QTRT2: variants seen among roughly 807,000 people sequenced by gnomAD.
QTRT2 encodes the protein queuine tRNA-ribosyltransferase domain containing 1.
Under a neutral mutation model 44.8 loss-of-function variants are expected in QTRT2, and 32 were observed. The observed-to-expected ratio is 0.71, with a 90% CI of 0.54 to 0.96. QTRT2 has a LOEUF of 0.96. Ranked by LOEUF, QTRT2 falls within the 40% of genes least tolerant of loss-of-function variation. QTRT2 has a pLI of 0.00. For missense variants in QTRT2, 461 were observed against 503.1 expected (o/e 0.92, Z 0.80); for synonymous variants, 182 against 187.4 (o/e 0.97, Z 0.24).
chr3:114,076,640 T>A (rs1300127501), intron 6 of QTRT2, 103 bp from the exon 7 acceptor site: 1 of 1,053,716 alleles, frequency 9.5e-7, no homozygotes, highest in African/African-American at 1.6e-5. Context: ...CTACAGCAGC[T>A]TCACTGAGGT....
chr3:114,085,430 A>G (rs1577555524), intron 9 of QTRT2, among the ~76,000 whole-genome samples: 1 of 151,654 alleles, frequency 6.6e-6, no homozygotes, highest in Admixed American at 6.6e-5. Context: ...CTGGTCTTGA[A>G]CTCCTGACCT....
At chr3:114,066,530 A>T in intron 4 of QTRT2, 1 of 478,818 alleles carries the variant, frequency 2.1e-6, no homozygotes, top group South Asian at 2.4e-5. Context: ...TTACTGCTTT[A>T]CAGGATTAGG....
chr3:114,082,889 A>T (rs1271346082), intron 9 of QTRT2, 95 bp downstream of exon 9: 1 of 658,404 alleles, frequency 1.5e-6, no homozygotes, highest in Non-Finnish European at 2.7e-6. Flanking sequence ...TTATGATTTC[A>T]TAAAATATTA....
At position 114,056,826 on chromosome 3, in the gene QTRT2, G is replaced by T; in HGVS notation, c.-168G>T. On this transcript the variant is annotated 5_prime_UTR_variant, in exon 1 of 10. Transcript: ENST00000281273. ...GGTAGTGAACTGTGAGGAGTTTGAG[G>T]GGTCTGAAGACTGAAAGAGTCGAAT... 6.5e-7 allele frequency: 1 copy of T among 1,535,288 alleles called. No homozygotes were observed. The highest frequency in any genetic ancestry group is 8.7e-7 in the Non-Finnish European group (1 of 1,146,534).
intron 9 of QTRT2, among the ~76,000 whole-genome samples, chr3:114,083,944 A>T (rs749537594): frequency 6.6e-6 from 1 of 152,112 alleles, no homozygotes; most frequent in Non-Finnish European, 1.5e-5. Flanking sequence ...TTATAGATTT[A>T]ATTGGAAATT....
In QTRT2 at chr3:114,076,773, A is replaced by AT. The variant is rs767735926; in HGVS notation, c.579dup (p.Glu194Ter). ...TCAGAAGAGTGTGATCATTGGAGTGATTGAAGGTGGAGATGTGATGGAAGA... is the reference window on the plus strand; with the variant it reads ...TCAGAAGAGTGTGATCATTGGAGTGATTTGAAGGTGGAGATGTGATGGAAGA... On this transcript the variant is annotated frameshift_variant, in exon 7 of 10. Coordinates refer to ENST00000281273, the MANE Select transcript of QTRT2 (RefSeq NM_024638.4). LOFTEE classifies it high-confidence loss of function. The AT allele has an allele frequency of 6.8e-6, 11 of 1,614,160 alleles. No individual in the cohort carries two copies. The highest frequency in any genetic ancestry group is 1.3e-5 in the African/African-American group (1 of 75,042).
intron 2 of QTRT2, among the ~76,000 whole-genome samples, chr3:114,061,450 A>G (rs1250077583): frequency 6.6e-6 from 1 of 152,212 alleles, no homozygotes; most frequent in African/African-American, 2.4e-5. Context: ...TCCAAGCAGT[A>G]CAAGACTGTA....
At chr3:114,081,289 A>G (rs2077162481) in intron 8 of QTRT2, among the ~76,000 whole-genome samples, 1 of 152,234 alleles carries the variant, frequency 6.6e-6, no homozygotes. Context: ...TGAAAATTCC[A>G]AAGAAATTAC....
At chr3:114,070,036 A>T (rs1408257070) in intron 5 of QTRT2, among the ~76,000 whole-genome samples, 15 of 152,222 alleles carry the variant, frequency 9.9e-5, no homozygotes, top group Admixed American at 9.2e-4. Context: ...AAGAGCATAG[A>T]GGAGTGAGTG....
rs989916716 is a variant in QTRT2 at position 114,065,387 on chromosome 3, C to T, written c.130C>T (p.His44Tyr). ...LLYTKTGSAP[H>Y]LTHHTLHNIH... Reference sequence around the variant, plus strand: ...GTATACCAAGACTGGCTCCGCCCCACACCTCACCCATCACACGCTGCATAA... The same window carrying T: ...GTATACCAAGACTGGCTCCGCCCCATACCTCACCCATCACACGCTGCATAA... The change falls in exon 3 of 10, where the codon CAC (histidine) becomes TAC (tyrosine). Residue 44 changes from histidine (H) to tyrosine (Y), a missense_variant. Physicochemically the swap from His to Tyr is moderately conservative, Grantham distance 83. Transcript: ENST00000281273. The T allele has an allele frequency of 6.2e-7, 1 of 1,614,196 alleles. No homozygotes were observed. The highest frequency in any genetic ancestry group is 1.7e-5 in the Admixed American group (1 of 60,012).
At chr3:114,070,597 T>C (rs2077011836) in intron 5 of QTRT2, 29 bp from the exon 6 acceptor site, 2 of 1,576,788 alleles carry the variant, frequency 1.3e-6, no homozygotes, top group South Asian at 1.1e-5. Context: ...TTACTCTTGC[T>C]AATTCCTCAT....
At position 114,074,447 on chromosome 3, in the gene QTRT2, A is replaced by C. The variant is rs536781815; in HGVS notation, c.547-2296A>C. On this transcript the variant is annotated intron_variant, in intron 6 of 9. Coordinates refer to ENST00000281273, the MANE Select transcript of QTRT2 (RefSeq NM_024638.4). ...TTGATCCTACTTCCTGATAGGTTTC[A>C]AGTTTTATCTTTCCTCTTCATCCAC... is the stretch of plus-strand genomic sequence containing the variant. Among the ~76,000 whole-genome samples the C allele has an allele frequency of 7.9e-5, 12 of 152,306 alleles. No individual in the cohort carries two copies. In the East Asian group the frequency reaches 2.3e-3, roughly 29 times the overall value.
rs762904339 is a variant in QTRT2 at position 114,065,234 on chromosome 3, C to T, written c.-21-3C>T. On this transcript the variant is annotated splice_polypyrimidine_tract_variant and splice_region_variant and intron_variant, in intron 2 of 9. Transcript: ENST00000281273. ...TCTATACTTAATGCTCTTTTCTTGA[C>T]AGGACCTAGAAGAATCCCTTAGGAT... is the stretch of plus-strand genomic sequence containing the variant. 5 of 1,608,384 alleles carry T rather than the reference C, an allele frequency of 3.1e-6. No homozygotes were observed. Among genetic ancestry groups the T allele is most frequent in the Non-Finnish European group, 3.4e-6 (4 of 1,175,960 alleles).
intron 2 of QTRT2, among the ~76,000 whole-genome samples, chr3:114,058,124 G>T (rs2076830458): frequency 6.6e-6 from 1 of 152,174 alleles, no homozygotes; most frequent in South Asian, 2.1e-4. Flanking sequence ...GAGGATTAAT[G>T]GAGTGAATAT....
In QTRT2 at chr3:114,085,683, G is replaced by T. The variant is rs570521094; in HGVS notation, c.1027G>T (p.Asp343Tyr). ...INLKEKKYQE[D>Y]FNPLVRGCSC... ...TGACTTCTTTCTTAGGTACCAGGAGGACTTTAACCCGCTGGTGAGAGGATG... is the reference window on the plus strand; with the variant it reads ...TGACTTCTTTCTTAGGTACCAGGAGTACTTTAACCCGCTGGTGAGAGGATG... The change falls in exon 10 of 10, where the codon GAC becomes TAC. Residue 343 changes from aspartate (D) to tyrosine (Y), a missense_variant. Physicochemically the swap from Asp to Tyr is radical, Grantham distance 160. Coordinates refer to ENST00000281273, the MANE Select transcript of QTRT2 (RefSeq NM_024638.4). The T allele has an allele frequency of 6.2e-7, 1 of 1,613,932 alleles. No individual in the cohort carries two copies. Among genetic ancestry groups the T allele is most frequent in the South Asian group, 1.1e-5 (1 of 91,066 alleles).
At chr3:114,080,472 C>G (rs2077152937) in intron 8 of QTRT2, among the ~76,000 whole-genome samples, 1 of 152,086 alleles carries the variant, frequency 6.6e-6, no homozygotes, top group African/African-American at 2.4e-5. Flanking sequence ...ATCCTCTGAT[C>G]CTAGTGTTAC....
chr3:114,073,357 A>G (rs751492478), intron 6 of QTRT2, among the ~76,000 whole-genome samples: 1 of 151,902 alleles, frequency 6.6e-6, no homozygotes, highest in Non-Finnish European at 1.5e-5. Flanking sequence ...ACTTCTGCAT[A>G]TTTGTGGGGG....
intron 5 of QTRT2, among the ~76,000 whole-genome samples, chr3:114,068,616 C>T (rs1034569025): frequency 1.3e-5 from 2 of 152,214 alleles, no homozygotes; most frequent in East Asian, 3.8e-4. Context: ...GTGTGTACTG[C>T]TACTTTACAA....
In QTRT2 at chr3:114,066,284, G is replaced by A; in HGVS notation, c.256+1G>A. ...AAAGAAGGAGTTGGAAAGTTTATAG[G>A]TAAAAATTAAGTTACTTATATGTGC... On this transcript the variant is annotated splice_donor_variant, in intron 4 of 9. Transcript: ENST00000281273. LOFTEE classifies it high-confidence loss of function. The A allele has an allele frequency of 1.3e-6, 2 of 1,589,944 alleles. No individual in the cohort carries two copies. Among genetic ancestry groups the A allele is most frequent in the South Asian group, 1.1e-5 (1 of 90,596 alleles).
Sources: allele counts gnomAD v4.1 joint callset (sites outside exome capture counted in the v4.1 genomes callset), GRCh38; gene constraint gnomAD v4.1.1; transcripts MANE v1.5; gene names NCBI Gene and HGNC (gene_info 2026-07-23, HGNC 2026-07-21).